The following ACOT7 variants were observed in gnomAD, a reference collection of about 807,000 sequenced individuals.
ACOT7 encodes the protein cytosolic acyl coenzyme A thioester hydrolase.
Under a neutral mutation model 40.2 loss-of-function variants are expected in ACOT7, and 12 were observed. The observed-to-expected ratio is 0.30, with a 90% CI of 0.19 to 0.48. The LOEUF is 0.48. ACOT7 is among the 20% of genes least tolerant of loss of function. The probability of loss-of-function intolerance (pLI) is 0.99; values close to 1 mark genes in which losing one functional copy is unlikely to be tolerated. For missense variants in ACOT7, 395 were observed against 530.8 expected (o/e 0.74, Z 2.51); for synonymous variants, 228 against 219.5 (o/e 1.04, Z -0.34).
chr1:6,385,428 C>A (rs934801788), intron 1 of ACOT7: 12 of 1,543,044 alleles, frequency 7.8e-6, no homozygotes, highest in Non-Finnish European at 1.1e-5. Context: ...CGGCCCAAGG[C>A]CCTGGCTGCC....
At chr1:6,324,823 AACC>A (rs1399485538) in intron 5 of ACOT7, among the ~76,000 whole-genome samples, 2 of 152,220 alleles carry the variant, frequency 1.3e-5, no homozygotes, top group Non-Finnish European at 2.9e-5. Flanking sequence ...TCCTTAATTT[AACC>A]ACATCTGCAA....
intron 6 of ACOT7, among the ~76,000 whole-genome samples, chr1:6,298,955 CCA>C (rs549699171): frequency 1.4e-4 from 21 of 152,356 alleles, no homozygotes; most frequent in Non-Finnish European, 2.6e-4. Flanking sequence ...TGGGCCCCTA[CCA>C]CAGTGTGGTT....
chr1:6,323,737 A>AATATATATATATATATAT (rs57302929), intron 5 of ACOT7, among the ~76,000 whole-genome samples: 1 of 38,418 alleles, frequency 2.6e-5, no homozygotes, highest in Non-Finnish European at 5.1e-5. Flanking sequence ...AAAAAAAAAA[A>AATATATATATATATATAT]ATATATATAT....
At chr1:6,350,818 G>C (rs1477967703) in intron 1 of ACOT7, among the ~76,000 whole-genome samples, 1 of 152,222 alleles carries the variant, frequency 6.6e-6, no homozygotes, top group Non-Finnish European at 1.5e-5. Flanking sequence ...CTCCAAGGCT[G>C]AGCAAGTCAC....
At chr1:6,324,327 T>G (rs1640741108) in intron 5 of ACOT7, among the ~76,000 whole-genome samples, 1 of 152,182 alleles carries the variant, frequency 6.6e-6, no homozygotes, top group African/African-American at 2.4e-5. Context: ...GGAAGATACA[T>G]TTTTATAAAA....
chr1:6,331,464 G>A (rs1640953417), intron 4 of ACOT7, among the ~76,000 whole-genome samples: 1 of 152,226 alleles, frequency 6.6e-6, no homozygotes, highest in Non-Finnish European at 1.5e-5. Context: ...GGCCAATGGA[G>A]GGCGCAGGGC....
At chr1:6,305,310 C>T (rs1431279792) in intron 6 of ACOT7, among the ~76,000 whole-genome samples, 2 of 126,800 alleles carry the variant, frequency 1.6e-5, no homozygotes, top group Non-Finnish European at 1.8e-5. Flanking sequence ...TCCTCACTTC[C>T]CAGTAGGGGC....
intron 1 of ACOT7, among the ~76,000 whole-genome samples, chr1:6,350,864 C>T (rs1456242489): frequency 2.0e-5 from 3 of 152,188 alleles, no homozygotes; most frequent in Non-Finnish European, 4.4e-5. Context: ...CTCTTACTTG[C>T]TAGGTAACCT....
At position 6,358,002 on chromosome 1, in the gene ACOT7, G is replaced by A. The variant is rs1238315246; in HGVS notation, c.144-8136C>T. Among the ~76,000 whole-genome samples the A allele has an allele frequency of 6.6e-6, 1 of 152,022 alleles. No homozygotes were observed. The highest frequency in any genetic ancestry group is 2.4e-5 in the African/African-American group (1 of 41,378). On this transcript the variant is annotated intron_variant, in intron 1 of 8. Coordinates refer to ENST00000361521, the MANE Select transcript of ACOT7 (RefSeq NM_007274.4). This position sits in a 1 kb window ranked among gnomAD's most constrained non-coding sequence, Gnocchi z 4.1. ...CTACCTCAGCCTCCCAAGTAGCTGGGATTACAGGTGCGTGCCACCATGCCT... is the reference window on the plus strand; with the variant it reads ...CTACCTCAGCCTCCCAAGTAGCTGGAATTACAGGTGCGTGCCACCATGCCT...
chr1:6,306,364 T>C lies in ACOT7; in HGVS notation c.713-11384A>G, dbSNP rs1321830315. ...GGACCCGGCTGAGAGGAGGACCCAGTGTGGGCAGGACAAAGTGAGTTCCTG... is the reference window on the plus strand; with the variant it reads ...GGACCCGGCTGAGAGGAGGACCCAGCGTGGGCAGGACAAAGTGAGTTCCTG... On this transcript the variant is annotated intron_variant, in intron 6 of 8. Transcript: ENST00000361521. The surrounding 1 kb of genome is among the most constrained non-coding windows in gnomAD (Gnocchi z 4.3). 1 of 985,234 alleles carries C rather than the reference T, an allele frequency of 1.0e-6. No individual in the cohort carries two copies. Among genetic ancestry groups the C allele is most frequent in the African/African-American group, 1.7e-5 (1 of 57,208 alleles). The allele number at this position is 985,234 out of a possible 1,614,324, so 61.0% of individuals were successfully genotyped here. A position where few individuals can be genotyped will look rare whatever the true frequency, so the allele number is the denominator to read the frequency against.
At position 6,311,845 on chromosome 1, in the gene ACOT7, G is replaced by A. The variant is rs1443121034; in HGVS notation, c.712+6647C>T. On this transcript the variant is annotated intron_variant, in intron 6 of 8. Coordinates refer to ENST00000361521, the MANE Select transcript of ACOT7 (RefSeq NM_007274.4). The surrounding 1 kb of genome is among the most constrained non-coding windows in gnomAD (Gnocchi z 5.2). ...CAGTGCTGCCCCAGCCTGTCCCCGA[G>A]AATTCCCTGGGGAGCTTGGGACACT... is the stretch of plus-strand genomic sequence containing the variant. 6.6e-6 allele frequency among the ~76,000 whole-genome samples: 1 copy of A among 152,204 alleles called. No individual in the cohort carries two copies. Among genetic ancestry groups the A allele is most frequent in the African/African-American group, 2.4e-5 (1 of 41,442 alleles).
At chr1:6,296,518 G>A (rs1295879189) in intron 6 of ACOT7, among the ~76,000 whole-genome samples, 1 of 151,970 alleles carries the variant, frequency 6.6e-6, no homozygotes, top group Non-Finnish European at 1.5e-5. Flanking sequence ...CTGCCTCCCA[G>A]GTTCAAGCAA....
At chr1:6,268,979 T>A (rs1028659290) in intron 8 of ACOT7, among the ~76,000 whole-genome samples, 3 of 152,116 alleles carry the variant, frequency 2.0e-5, no homozygotes, top group Non-Finnish European at 2.9e-5. Flanking sequence ...TGCCCCCACA[T>A]GGGCTGTGCA....
intron 8 of ACOT7, among the ~76,000 whole-genome samples, chr1:6,265,007 A>C (rs1331554940): frequency 6.6e-6 from 1 of 152,228 alleles, no homozygotes; most frequent in Non-Finnish European, 1.5e-5. Context: ...GCGGGTCAGA[A>C]GCAGTCAGTG....
chr1:6,372,044 CAA>C (rs35430188), intron 1 of ACOT7, among the ~76,000 whole-genome samples: 55 of 130,120 alleles, frequency 4.2e-4, no homozygotes, highest in Middle Eastern at 3.8e-3. Flanking sequence ...AACTCTGTGT[CAA>C]AAAAAAAAAA....
intron 7 of ACOT7, among the ~76,000 whole-genome samples, chr1:6,284,525 G>A (rs1639443791): frequency 7.2e-6 from 1 of 138,700 alleles, no homozygotes; most frequent in Admixed American, 7.7e-5. Context: ...GCAGTGAGCT[G>A]AGATCATGCC....
intron 1 of ACOT7, among the ~76,000 whole-genome samples, chr1:6,367,469 G>A (rs138131094): frequency 9.2e-5 from 14 of 152,298 alleles, no homozygotes; most frequent in African/African-American, 2.9e-4. Context: ...GTGGAGCAGC[G>A]AGCAGTGTGT....
rs984558682 is a variant in ACOT7 at position 6,330,369 on chromosome 1, C to T, written c.511-2956G>A. 5.9e-5 allele frequency among the ~76,000 whole-genome samples: 9 copies of T among 152,096 alleles called. No individual in the cohort carries two copies. The highest frequency in any genetic ancestry group is 1.9e-4 in the African/African-American group (8 of 41,422). On this transcript the variant is annotated intron_variant, in intron 4 of 8. Transcript: ENST00000361521. The surrounding 1 kb of genome is among the most constrained non-coding windows in gnomAD (Gnocchi z 4.6). The stretch of plus-strand genomic sequence containing the variant: ...GGGCCCACCAGTGAAAAACAGGAGA[C>T]CTAGATTCCAAATCAGTGGGAGGTT...
intron 1 of ACOT7, among the ~76,000 whole-genome samples, chr1:6,354,655 C>A (rs1219236220): frequency 1.4e-5 from 2 of 143,226 alleles, no homozygotes; most frequent in Non-Finnish European, 3.1e-5. Context: ...TGGCCTCTCA[C>A]CCCCCGTGGC....
Sources: allele counts gnomAD v4.1 joint callset (sites outside exome capture counted in the v4.1 genomes callset), GRCh38; gene constraint gnomAD v4.1.1; non-coding constraint Gnocchi (gnomAD v3.1); transcripts MANE v1.5; gene names NCBI Gene and HGNC (gene_info 2026-07-23, HGNC 2026-07-21).